VPS8: variants seen among roughly 807,000 people sequenced by gnomAD.
VPS8 encodes the protein vacuolar protein sorting-associated protein 8 homolog.
Under a neutral mutation model 216.4 loss-of-function variants are expected in VPS8, and 129 were observed. The observed-to-expected ratio is 0.60, with a 90% CI of 0.52 to 0.69. VPS8 has a LOEUF of 0.69. VPS8 is among the 30% of genes least tolerant of loss of function. The probability of loss-of-function intolerance (pLI) is 0.00; values close to 1 mark genes in which losing one functional copy is unlikely to be tolerated. For synonymous variants in VPS8, 571 were observed against 565.4 expected, an observed-to-expected ratio of 1.01 and a Z score of -0.14; for missense variants, 1,531 against 1,683.5, an observed-to-expected ratio of 0.91 and a Z score of 1.59.
intron 22 of VPS8, among the ~76,000 whole-genome samples, chr3:184,890,365 C>T (rs1732112922): frequency 6.6e-6 from 1 of 152,160 alleles, no homozygotes; most frequent in Non-Finnish European, 1.5e-5. Flanking sequence ...TCATTACTCA[C>T]TCAATCCTGT....
At chr3:184,969,145 TCTCG>T (rs1431563073) in intron 39 of VPS8, among the ~76,000 whole-genome samples, 1 of 152,178 alleles carries the variant, frequency 6.6e-6, no homozygotes, top group Admixed American at 6.5e-5. Flanking sequence ...GGGGACGGCG[TCTCG>T]CTCTGTTGCC....
At position 184,894,703 on chromosome 3, in the gene VPS8, G is replaced by C; in HGVS notation, c.1782G>C (p.Lys594Asn). The C allele has an allele frequency of 6.3e-7, 1 of 1,591,254 alleles. No homozygotes were observed. Among genetic ancestry groups the C allele is most frequent in the South Asian group, 1.1e-5 (1 of 87,578 alleles). ...TTTTCTCCCCCCCTTTCTGTTACAGGGATCTTTTATTTAGTCAGATGTATG... is the reference window on the plus strand; with the variant it reads ...TTTTCTCCCCCCCTTTCTGTTACAGCGATCTTTTATTTAGTCAGATGTATG... Reference protein sequence around the residue: ...IVDYCLLLQRKDLLFSQMYDK... With the variant: ...IVDYCLLLQRNDLLFSQMYDK... The change falls in exon 23 of 48, where the codon AAG (lysine) becomes AAC (asparagine). Residue 594 changes from lysine (K) to asparagine (N), a missense_variant and splice_region_variant. By Grantham distance (94) the Lys-to-Asn change is moderately conservative (BLOSUM62 0). Coordinates refer to ENST00000625842, the MANE Select transcript of VPS8 (RefSeq NM_001009921.3).
chr3:184,918,802 GATGGGTGTCTATGTAT>G (rs1738070119), intron 28 of VPS8, among the ~76,000 whole-genome samples: 1 of 152,188 alleles, frequency 6.6e-6, no homozygotes, highest in South Asian at 2.1e-4. Flanking sequence ...AGCAGGCAGG[GATGGGTGTCTATGTAT>G]GTGTGTGTTT....
chr3:184,848,859 G>T (rs543762962), intron 8 of VPS8, among the ~76,000 whole-genome samples: 1 of 152,074 alleles, frequency 6.6e-6, no homozygotes, highest in South Asian at 2.1e-4. Flanking sequence ...ATGAGCCACC[G>T]CACCCGGCCT....
chr3:184,937,537 A>C (rs1020906924), intron 35 of VPS8, among the ~76,000 whole-genome samples: 1 of 152,216 alleles, frequency 6.6e-6, no homozygotes, highest in Admixed American at 6.5e-5. Flanking sequence ...GCACTTGCAT[A>C]ATTATAGTCC....
At chr3:184,825,981 G>A (rs1054736674) in intron 2 of VPS8, among the ~76,000 whole-genome samples, 182 bp from the exon 3 acceptor site, 3 of 152,074 alleles carry the variant, frequency 2.0e-5, no homozygotes, top group Admixed American at 6.6e-5. Flanking sequence ...GTAACTGAAC[G>A]TGTAGATAGG....
intron 46 of VPS8, among the ~76,000 whole-genome samples, chr3:185,046,953 ACT>A (rs1164200497): frequency 2.0e-5 from 3 of 152,086 alleles, no homozygotes; most frequent in Non-Finnish European, 4.4e-5. Flanking sequence ...GCAGATGATG[ACT>A]CTGTGGCTGC....
intron 36 of VPS8, among the ~76,000 whole-genome samples, chr3:184,949,276 A>G (rs1283346630): frequency 6.6e-6 from 1 of 152,170 alleles, no homozygotes; most frequent in African/African-American, 2.4e-5. Context: ...CAGCCTGGCC[A>G]ACAGCATGAG....
chr3:184,869,413 C>A, intron 19 of VPS8, 69 bp from the exon 20 acceptor site: 1 of 1,470,568 alleles, frequency 6.8e-7, no homozygotes, highest in Non-Finnish European at 9.4e-7. Flanking sequence ...AATATGAAAC[C>A]AGACATAGTT....
chr3:184,862,855 G>A, intron 15 of VPS8, 42 bp from the exon 16 acceptor site: 1 of 1,587,528 alleles, frequency 6.3e-7, no homozygotes, highest in Non-Finnish European at 8.6e-7. Context: ...TGATGAAGCG[G>A]GTGTGGTCTC....
At chr3:184,927,231 AAG>A (rs1739823078) in intron 31 of VPS8, among the ~76,000 whole-genome samples, 1 of 152,140 alleles carries the variant, frequency 6.6e-6, no homozygotes, top group East Asian at 1.9e-4. Flanking sequence ...TGTGGGCACT[AAG>A]AGAGTCAACC....
At chr3:185,050,736 C>T (rs1029125422) in intron 47 of VPS8, among the ~76,000 whole-genome samples, 5 of 152,194 alleles carry the variant, frequency 3.3e-5, no homozygotes, top group Non-Finnish European at 5.9e-5. Context: ...CCCTCGGACT[C>T]CTGGAGTGTT....
At chr3:184,924,560 G>T (rs534865164) in intron 29 of VPS8, among the ~76,000 whole-genome samples, 1 of 151,980 alleles carries the variant, frequency 6.6e-6, no homozygotes, top group Non-Finnish European at 1.5e-5. Context: ...AAGAATTACT[G>T]AGGGAAACGT....
At chr3:184,844,560 A>C (rs1722769894) in intron 8 of VPS8, among the ~76,000 whole-genome samples, 1 of 152,250 alleles carries the variant, frequency 6.6e-6, no homozygotes, top group African/African-American at 2.4e-5. Context: ...TTCTTTGAGA[A>C]ATAGAGGATT....
Position 184,915,975 on chromosome 3 carries a change from CTCCCTCCCTCCTTCTA to C in VPS8, c.2382+515_2382+530del, listed in dbSNP as rs1737491192. On this transcript the variant is annotated intron_variant, in intron 28 of 47. Coordinates refer to ENST00000625842, the MANE Select transcript of VPS8 (RefSeq NM_001009921.3). ...CTTGCCTTCCTCCCTTTCCCTCTTC[CTCCCTCCCTCCTTCTA>C]TCCCTCCCTCCTTTCCTCCCTCTCT... 2.0e-5 allele frequency among the ~76,000 whole-genome samples: 3 copies of C among 152,084 alleles called. No homozygotes were observed. In the South Asian group the frequency reaches 6.2e-4, roughly 32 times the overall value.
chr3:184,822,983 T>C (rs1717933798), intron 1 of VPS8, among the ~76,000 whole-genome samples: 1 of 152,210 alleles, frequency 6.6e-6, no homozygotes, highest in Non-Finnish European at 1.5e-5. Context: ...TATTTGGTAA[T>C]ATACCAAATA....
At chr3:185,047,373 C>T (rs866678442) in intron 46 of VPS8, among the ~76,000 whole-genome samples, 10 of 152,064 alleles carry the variant, frequency 6.6e-5, no homozygotes, top group African/African-American at 9.7e-5. Flanking sequence ...CAAAAACAAA[C>T]AAACAAGCAA....
At chr3:185,003,843 G>A (rs1367819612) in intron 45 of VPS8, among the ~76,000 whole-genome samples, 2 of 151,700 alleles carry the variant, frequency 1.3e-5, no homozygotes, top group East Asian at 2.0e-4. Context: ...CTTCTCAGAC[G>A]GGGCGGCCGG....
intron 7 of VPS8, among the ~76,000 whole-genome samples, chr3:184,842,831 G>T (rs1722433743): frequency 6.6e-6 from 1 of 151,806 alleles, no homozygotes; most frequent in Non-Finnish European, 1.5e-5. Flanking sequence ...GGCATATAGT[G>T]TTTAAAAAAA....
Sources: gnomAD v4.1 joint callset for allele counts (sites outside exome capture counted in the v4.1 genomes callset) on GRCh38, gnomAD v4.1.1 for gene constraint, MANE v1.5 for transcripts, NCBI Gene and HGNC (gene_info 2026-07-23, HGNC 2026-07-21) for gene names.